SSBP2: variants seen among roughly 807,000 people sequenced by gnomAD.
SSBP2 encodes single-stranded DNA-binding protein 2.
SSBP2 carries 17 observed loss-of-function variants against 61.8 expected under a neutral mutation model. The observed-to-expected ratio is 0.28, with a 90% CI of 0.19 to 0.41. The LOEUF is 0.41. SSBP2 is among the 10% of genes least tolerant of loss of function. The pLI, the probability that SSBP2 is intolerant of heterozygous loss-of-function variation, is 1.00. For synonymous variants in SSBP2, 139 were observed against 141.3 expected (o/e 0.98, Z 0.12); for missense variants, 310 against 458.7 (o/e 0.68, Z 2.96).
intron 1 of SSBP2, among the ~76,000 whole-genome samples, chr5:81,705,005 A>G (rs893406381): frequency 3.9e-5 from 6 of 152,074 alleles, no homozygotes; most frequent in Non-Finnish European, 8.8e-5. Context: ...GAAGGTTTTT[A>G]TAGCACATAC....
At chr5:81,699,417 A>T (rs1753811832) in intron 1 of SSBP2, among the ~76,000 whole-genome samples, 1 of 152,238 alleles carries the variant, frequency 6.6e-6, no homozygotes, top group Non-Finnish European at 1.5e-5. Context: ...AAGTTTATGT[A>T]ATGTTCTAAA....
At chr5:81,704,820 A>T (rs2153900084) in intron 1 of SSBP2, among the ~76,000 whole-genome samples, 1 of 150,428 alleles carries the variant, frequency 6.6e-6, no homozygotes, top group East Asian at 1.9e-4. Context: ...AAAAAAAAAA[A>T]AATGCATTCC....
chr5:81,672,873 CTCTT>C (rs1476346574), intron 1 of SSBP2, among the ~76,000 whole-genome samples: 1 of 151,240 alleles, frequency 6.6e-6, no homozygotes, highest in Non-Finnish European at 1.5e-5. Context: ...CTCACCTGGC[CTCTT>C]TTTTTTTTTT....
intron 6 of SSBP2, among the ~76,000 whole-genome samples, chr5:81,481,292 G>C (rs1029837478): frequency 6.6e-6 from 1 of 152,160 alleles, no homozygotes; most frequent in Non-Finnish European, 1.5e-5. Context: ...AATCACTACA[G>C]ATGGCAGCTA....
intron 15 of SSBP2, among the ~76,000 whole-genome samples, chr5:81,432,273 A>C (rs1436738194): frequency 6.6e-6 from 1 of 152,006 alleles, no homozygotes; most frequent in Non-Finnish European, 1.5e-5. Context: ...AGGATCTCTA[A>C]CTGGAGCCAA....
chr5:81,482,428 A>G (rs1766062465), intron 6 of SSBP2, among the ~76,000 whole-genome samples: 1 of 152,156 alleles, frequency 6.6e-6, no homozygotes, highest in South Asian at 2.1e-4. Flanking sequence ...CCAACAGTTT[A>G]GTGTAGTCAT....
intron 4 of SSBP2, among the ~76,000 whole-genome samples, chr5:81,556,076 T>C (rs906380472): frequency 6.6e-6 from 1 of 152,232 alleles, no homozygotes; most frequent in Non-Finnish European, 1.5e-5. Context: ...TTTACAAAAA[T>C]TGGCAGGAGT....
At position 81,714,967 on chromosome 5, in the gene SSBP2, T is replaced by C. The variant is rs531031735; in HGVS notation, c.62+36014A>G. Among the ~76,000 whole-genome samples the C allele has an allele frequency of 2.0e-5, 3 of 152,244 alleles. No individual in the cohort carries two copies. In the South Asian group the frequency reaches 6.2e-4, roughly 32 times the overall value. ...AGTAGGAGGTCCAGTAACAAGAGAA[T>C]TGTTTTAATCTGTGGAGGGTTGGAA... On this transcript the variant is annotated intron_variant, in intron 1 of 16. Transcript: ENST00000320672.
rs71605804 is a variant in SSBP2, at chr5:81,667,286, T to TACACACACACAC, written c.63-16959_63-16948dup. 1.5e-3 allele frequency among the ~76,000 whole-genome samples: 206 copies of TACACACACACAC among 133,814 alleles called. 1 individual carries two copies. The Middle Eastern group carries it at 0.016, about 10-fold the overall frequency. The allele number at this position is 133,814 out of a possible 152,430, so 87.8% of individuals were successfully genotyped here. The stretch of plus-strand genomic sequence containing the variant: ...GAGTACCAGACAGAAGGGATACAGA[T>TACACACACACAC]ACACACACACACACACACACACACA... On this transcript the variant is annotated intron_variant, in intron 1 of 16. Transcript: ENST00000320672.
At chr5:81,680,546 T>C (rs1364027163) in intron 1 of SSBP2, among the ~76,000 whole-genome samples, 2 of 151,836 alleles carry the variant, frequency 1.3e-5, no homozygotes, top group Non-Finnish European at 2.9e-5. Flanking sequence ...AAGACACCCA[T>C]AGTTTAAAAG....
At chr5:81,694,166 T>TTA (rs997734777) in intron 1 of SSBP2, among the ~76,000 whole-genome samples, 29 of 152,152 alleles carry the variant, frequency 1.9e-4, no homozygotes, top group African/African-American at 7.0e-4. Flanking sequence ...GAATGACAGT[T>TTA]ATTAGAGTCT....
At chr5:81,737,048 C>T (rs1756670294) in intron 1 of SSBP2, among the ~76,000 whole-genome samples, 1 of 151,996 alleles carries the variant, frequency 6.6e-6, no homozygotes, top group South Asian at 2.1e-4. Flanking sequence ...GTAATCCATC[C>T]CAAAATCACT....
intron 1 of SSBP2, among the ~76,000 whole-genome samples, chr5:81,713,836 C>A (rs765805177): frequency 1.3e-5 from 2 of 152,056 alleles, no homozygotes; most frequent in African/African-American, 2.4e-5. Flanking sequence ...AAGAAAATTT[C>A]CAAAAACTAT....
chr5:81,532,712 G>A (rs1770509636), intron 4 of SSBP2, among the ~76,000 whole-genome samples: 5 of 151,676 alleles, frequency 3.3e-5, no homozygotes, highest in Admixed American at 2.6e-4. Context: ...GAATATACCT[G>A]CAAATATTAT....
chr5:81,684,427 G>A (rs1021296483), intron 1 of SSBP2, among the ~76,000 whole-genome samples: 1 of 152,174 alleles, frequency 6.6e-6, no homozygotes, highest in African/African-American at 2.4e-5. Flanking sequence ...ATCAGTGGTT[G>A]CCAGGGGTTC....
At chr5:81,591,499 T>A (rs535169012) in intron 4 of SSBP2, among the ~76,000 whole-genome samples, 1 of 152,212 alleles carries the variant, frequency 6.6e-6, no homozygotes, top group Non-Finnish European at 1.5e-5. Context: ...ATAGGAAGCT[T>A]AAAATATTTA....
chr5:81,514,513 A>G (rs1404330438), intron 4 of SSBP2, among the ~76,000 whole-genome samples: 2 of 152,068 alleles, frequency 1.3e-5, no homozygotes, highest in African/African-American at 4.8e-5. Context: ...ACTGTTCTAC[A>G]ATCATAGATT....
At position 81,437,441 on chromosome 5, in the gene SSBP2, T is replaced by C; in HGVS notation, c.946A>G (p.Ser316Gly). 2 of 1,606,848 alleles carry C rather than the reference T, an allele frequency of 1.2e-6. No homozygotes were observed. Among genetic ancestry groups the C allele is most frequent in the South Asian group, 1.1e-5 (1 of 88,904 alleles). The stretch of plus-strand genomic sequence containing the variant: ...TACACAGCACTCACCTTGGAAATAC[T>C]GTCCATATCTCCTGAGCCTGAAACA... The change falls in exon 15 of 17, where the codon AGT (serine) becomes GGT (glycine). Residue 316 changes from serine to glycine, a missense_variant. By Grantham distance (56) the Ser-to-Gly change is moderately conservative. Transcript: ENST00000320672.
intron 1 of SSBP2, among the ~76,000 whole-genome samples, chr5:81,668,377 G>A (rs1279329732): frequency 6.6e-6 from 1 of 150,654 alleles, no homozygotes; most frequent in East Asian, 1.9e-4. Flanking sequence ...CCAAAACACA[G>A]TTACTCTAAC....
Sources: allele counts gnomAD v4.1 joint callset (sites outside exome capture counted in the v4.1 genomes callset), GRCh38; gene constraint gnomAD v4.1.1; transcripts MANE v1.5; gene names NCBI Gene and HGNC (gene_info 2026-07-23, HGNC 2026-07-21).